The following ELSPBP1 variants were observed in gnomAD, a reference collection of about 807,000 sequenced individuals.
The protein encoded by ELSPBP1 is epididymal sperm binding protein 1, also known as epididymal sperm-binding protein 1.
A neutral mutation model predicts 33.3 loss-of-function variants in ELSPBP1; 38 were observed. That is an observed-to-expected ratio of 1.14 (90% CI 0.88 to 1.50). ELSPBP1 has a LOEUF of 1.50. Among genes scored for constraint, ELSPBP1 ranks in the 40% most tolerant of loss-of-function variants. ELSPBP1 has a pLI of 0.00. For missense variants in ELSPBP1, 267 were observed against 263.5 expected, an observed-to-expected ratio of 1.01 and a Z score of -0.09; for synonymous variants, 85 against 94.1, an observed-to-expected ratio of 0.90 and a Z score of 0.56.
intron 1 of ELSPBP1, among the ~76,000 whole-genome samples, chr19:48,000,365 T>C (rs1177594257): frequency 1.3e-5 from 2 of 151,838 alleles, no homozygotes; most frequent in Non-Finnish European, 2.9e-5. Flanking sequence ...CTCAGTCTCC[T>C]GAGTAGCTGG....
At chr19:47,997,377 T>G (rs1440398761) in intron 1 of ELSPBP1, among the ~76,000 whole-genome samples, 1 of 152,208 alleles carries the variant, frequency 6.6e-6, no homozygotes, top group Non-Finnish European at 1.5e-5. Flanking sequence ...TGCATGCATA[T>G]ACCTGTATAT....
At chr19:48,002,693 G>A (rs1190895675) in intron 1 of ELSPBP1, among the ~76,000 whole-genome samples, 2 of 152,200 alleles carry the variant, frequency 1.3e-5, no homozygotes, top group Non-Finnish European at 2.9e-5. Flanking sequence ...TCAGGAGGCC[G>A]AGGCAAGAGA....
At position 48,016,014 on chromosome 19, in the gene ELSPBP1, G is replaced by A; in HGVS notation, c.330G>A (p.Gln110=). 3.1e-6 allele frequency: 5 copies of A among 1,613,768 alleles called. No individual in the cohort carries two copies. The highest frequency in any genetic ancestry group is 3.4e-6 in the Non-Finnish European group (4 of 1,179,944). Residue 110 remains glutamine (Q), a synonymous_variant, in exon 4 of 7, where the codon CAG becomes CAA. Transcript: ENST00000339841. ...CSVTSVFDEK[Q]QWKFCETNEY... ...TCACCTCTGTCTTCGATGAGAAACA[G>A]CAGTGGAAATTCTGTGAAACGAATG...
At position 48,003,886 on chromosome 19, in the gene ELSPBP1, C is replaced by CTTCTATTCTATTCTA. The variant is rs56297495; in HGVS notation, c.-17-4705_-17-4691dup. ...TAACCCCTCCCGTGGCTTCTGGTTG[C>CTTCTATTCTATTCTA]TTCTATTCTATTCTATTCTATTCTA... On this transcript the variant is annotated intron_variant, in intron 1 of 6. Coordinates refer to ENST00000339841, the MANE Select transcript of ELSPBP1 (RefSeq NM_022142.5). Among the ~76,000 whole-genome samples, 145 of 114,276 alleles carry CTTCTATTCTATTCTA rather than the reference C, an allele frequency of 1.3e-3. 1 individual carries two copies. Among genetic ancestry groups the CTTCTATTCTATTCTA allele is most frequent in the African/African-American group, 2.4e-3 (70 of 28,704 alleles). 75.0% of individuals were successfully genotyped at this position (114,276 alleles called of 152,430 possible).
chr19:48,019,047 G>A (rs1043891775), intron 4 of ELSPBP1, among the ~76,000 whole-genome samples: 6 of 152,192 alleles, frequency 3.9e-5, no homozygotes, highest in South Asian at 2.1e-4. Context: ...TCAGCTACTC[G>A]GGAGGCTGAG....
intron 1 of ELSPBP1, among the ~76,000 whole-genome samples, chr19:48,008,120 T>C (rs1654035143): frequency 6.6e-6 from 1 of 152,164 alleles, no homozygotes; most frequent in Admixed American, 6.5e-5. Context: ...ACCTGGGCTA[T>C]ATGATACAGC....
In ELSPBP1 at chr19:48,011,631, A is replaced by G. The variant is rs1342737263; in HGVS notation, c.71-2540A>G. 6.6e-6 allele frequency among the ~76,000 whole-genome samples: 1 copy of G among 151,918 alleles called. No individual in the cohort carries two copies. The highest frequency in any genetic ancestry group is 2.4e-5 in the African/African-American group (1 of 41,346). ...GATGACAATGATGATGACAACGATG[A>G]TGATGATCATCATCCTGATGACAAT... On this transcript the variant is annotated intron_variant, in intron 2 of 6. Transcript: ENST00000339841. This position sits in a 1 kb window ranked among gnomAD's most constrained non-coding sequence, Gnocchi z 4.5.
intron 4 of ELSPBP1, 148 bp downstream of exon 4, chr19:48,016,187 A>G (rs769927795): frequency 4.4e-6 from 4 of 908,684 alleles, no homozygotes; most frequent in Non-Finnish European, 5.0e-6. Context: ...AGAGTTCGCT[A>G]TGACAACGAC....
At chr19:48,017,130 C>T (rs902352946) in intron 4 of ELSPBP1, among the ~76,000 whole-genome samples, 3 of 152,196 alleles carry the variant, frequency 2.0e-5, no homozygotes, top group Admixed American at 2.0e-4. Flanking sequence ...CAGTCCTACA[C>T]TATATTAGAA....
chr19:48,005,353 C>T (rs1395257778), intron 1 of ELSPBP1, among the ~76,000 whole-genome samples: 3 of 152,134 alleles, frequency 2.0e-5, no homozygotes, highest in Admixed American at 2.0e-4. Context: ...TTCCTTTAGT[C>T]TTTAACAGCA....
intron 6 of ELSPBP1, among the ~76,000 whole-genome samples, chr19:48,024,051 T>C (rs371907386): frequency 0.052 from 7,804 of 149,982 alleles, 272 homozygotes; most frequent in East Asian, 0.092. Context: ...TTTTTTTTTT[T>C]TTTTGTATTT....
chr19:48,023,287 G>GAAAGGAAGGAAGGAGAGAA lies in ELSPBP1; in HGVS notation c.*7+953_*7+954insAAAGGAAGGAAGGAGAGAA, dbSNP rs1568409446. On this transcript the variant is annotated intron_variant, in intron 6 of 6. Coordinates refer to ENST00000339841, the MANE Select transcript of ELSPBP1 (RefSeq NM_022142.5). ...GAGGGAGGAAAGAAGAAAGGAGGGA[G>GAAAGGAAGGAAGGAGAGAA]GAAAGGAAGGAAGGAGAGAAGAAAG... 8.0e-4 allele frequency among the ~76,000 whole-genome samples: 103 copies of GAAAGGAAGGAAGGAGAGAA among 128,890 alleles called. 1 individual carries two copies. The highest frequency in any genetic ancestry group is 2.6e-3 in the Admixed American group (32 of 12,322). The allele number at this position is 128,890 out of a possible 152,430, so 84.6% of individuals were successfully genotyped here.
chr19:48,000,220 C>T (rs1275114462), intron 1 of ELSPBP1, among the ~76,000 whole-genome samples: 1 of 146,614 alleles, frequency 6.8e-6, no homozygotes, highest in East Asian at 2.0e-4. Context: ...CGGCCGCCCC[C>T]CAAAAATCCT....
Position 48,025,100 on chromosome 19 carries a change from A to G in ELSPBP1, c.*156A>G, listed in dbSNP as rs529581176. 1 of 152,336 alleles carries G rather than the reference A, an allele frequency of 6.6e-6. No individual in the cohort carries two copies. The highest frequency in any genetic ancestry group is 1.5e-5 in the Non-Finnish European group (1 of 68,042). The allele number at this position is 152,336 out of a possible 1,614,324, so 9.4% of individuals were successfully genotyped here. A position where few individuals can be genotyped will look rare whatever the true frequency, so the allele number is the denominator to read the frequency against. ...TTCAATCAGCTGGTCCTTTGTGAAG[A>G]ACGTAGAGAGAATGCGGCATAACCA... On this transcript the variant is annotated 3_prime_UTR_variant, in exon 7 of 7. Coordinates refer to ENST00000339841, the MANE Select transcript of ELSPBP1 (RefSeq NM_022142.5).
chr19:48,008,172 A>G (rs1967040801), intron 1 of ELSPBP1, among the ~76,000 whole-genome samples: 1 of 152,166 alleles, frequency 6.6e-6, no homozygotes, highest in Admixed American at 6.5e-5. Context: ...ACACATGTAG[A>G]AACACACACA....
chr19:48,004,094 C>A (rs1263740175), intron 1 of ELSPBP1, among the ~76,000 whole-genome samples: 1 of 151,610 alleles, frequency 6.6e-6, no homozygotes, highest in East Asian at 1.9e-4. Context: ...CAGGCACGCA[C>A]CATCATGTGG....
intron 4 of ELSPBP1, 143 bp from the exon 5 acceptor site, chr19:48,019,576 A>C: frequency 1.4e-6 from 1 of 696,108 alleles, no homozygotes; most frequent in East Asian, 2.7e-5. Flanking sequence ...CATTGGGATA[A>C]TAACGTCATC....
At chr19:48,023,517 AAGGAAGGAAGGG>A (rs1386414336) in intron 6 of ELSPBP1, among the ~76,000 whole-genome samples, 5 of 33,704 alleles carry the variant, frequency 1.5e-4, no homozygotes, top group Non-Finnish European at 4.5e-4. Context: ...GGAAGGAAAT[AAGGAAGGAAGGG>A]AGGAAGGAAA....
intron 2 of ELSPBP1, among the ~76,000 whole-genome samples, chr19:48,013,905 A>G (rs1028444390): frequency 2.0e-5 from 3 of 151,896 alleles, no homozygotes; most frequent in Non-Finnish European, 4.4e-5. Context: ...GTATCCTCAC[A>G]TCGTAGAAGG....
Sources: gnomAD v4.1 joint callset for allele counts (sites outside exome capture counted in the v4.1 genomes callset) on GRCh38, gnomAD v4.1.1 for gene constraint, Gnocchi (gnomAD v3.1) non-coding constraint, MANE v1.5 for transcripts, NCBI Gene and HGNC (gene_info 2026-07-23, HGNC 2026-07-21) for gene names.